Variants in CNTNAP2 observed in about 807,000 individuals in gnomAD.
The protein encoded by CNTNAP2 is contactin associated protein 2.
CNTNAP2 carries 98 observed loss-of-function variants against 155.2 expected under a neutral mutation model. The ratio of observed to expected loss-of-function variants is 0.63; its 90% CI spans 0.54 to 0.75. The LOEUF is 0.75. CNTNAP2 is among the 30% of genes least tolerant of loss of function. The probability of loss-of-function intolerance (pLI) is 0.00; values close to 1 mark genes in which losing one functional copy is unlikely to be tolerated. For synonymous variants in CNTNAP2, 651 were observed against 631.2 expected (o/e 1.03, Z -0.47); for missense variants, 1,727 against 1,688.1 (o/e 1.02, Z -0.40).
At chr7:148,172,806 T>C (rs1209486719) in intron 18 of CNTNAP2, among the ~76,000 whole-genome samples, 1 of 152,186 alleles carries the variant, frequency 6.6e-6, no homozygotes, top group Non-Finnish European at 1.5e-5. Context: ...GAATCAGGCC[T>C]GACCCTCCCA....
chr7:147,186,133 T>G (rs573316372), intron 8 of CNTNAP2, among the ~76,000 whole-genome samples: 1 of 152,276 alleles, frequency 6.6e-6, no homozygotes, highest in Admixed American at 6.5e-5. Context: ...ATATTACATT[T>G]CAGAATAGTT....
chr7:147,374,055 AC>A lies in CNTNAP2; in HGVS notation c.1499-21553del, dbSNP rs533388930. ...GTCTAAAGAATAGAAAGCCATACGG[AC>A]AATAAAACTCATTCACAGAGATGAA... On this transcript the variant is annotated intron_variant, in intron 9 of 23. Transcript: ENST00000361727. Among the ~76,000 whole-genome samples, 268 of 152,226 alleles carry A rather than the reference AC, an allele frequency of 1.8e-3. 2 individuals are homozygous for A. The highest frequency in any genetic ancestry group is 1.7e-3 in the Non-Finnish European group (115 of 67,982).
chr7:147,183,840 C>A (rs1182458319), intron 8 of CNTNAP2, among the ~76,000 whole-genome samples: 1 of 152,108 alleles, frequency 6.6e-6, no homozygotes, highest in African/African-American at 2.4e-5. Context: ...TTGTTGCCAC[C>A]TCCTATTGTG....
intron 22 of CNTNAP2, among the ~76,000 whole-genome samples, chr7:148,398,142 C>T (rs762024478): frequency 2.0e-5 from 3 of 152,094 alleles, no homozygotes; most frequent in Non-Finnish European, 2.9e-5. Context: ...TTAGGTTTGC[C>T]CATGCCCCCC....
intron 1 of CNTNAP2, among the ~76,000 whole-genome samples, chr7:146,445,798 T>C (rs1796394164): frequency 6.6e-6 from 1 of 152,180 alleles, no homozygotes; most frequent in South Asian, 2.1e-4. Context: ...CACAAGCCTA[T>C]TTATTGTAGC....
chr7:148,392,770 G>A (rs772510179), intron 22 of CNTNAP2, among the ~76,000 whole-genome samples: 1 of 152,168 alleles, frequency 6.6e-6, no homozygotes, highest in African/African-American at 2.4e-5. Context: ...ACTCAGGTTG[G>A]CAGAGTGGCT....
intron 15 of CNTNAP2, among the ~76,000 whole-genome samples, chr7:148,030,926 CCA>C (rs1453116324): frequency 6.6e-6 from 1 of 152,024 alleles, no homozygotes; most frequent in Admixed American, 6.5e-5. Context: ...AAAAATTGCA[CCA>C]GACACTCATT....
intron 15 of CNTNAP2, among the ~76,000 whole-genome samples, chr7:148,004,367 T>G (rs990343723): frequency 1.3e-5 from 2 of 152,178 alleles, no homozygotes; most frequent in African/African-American, 4.8e-5. Flanking sequence ...TACATAAATT[T>G]TTCTTAGATT....
intron 13 of CNTNAP2, among the ~76,000 whole-genome samples, chr7:147,827,608 T>C (rs990388875): frequency 2.0e-5 from 3 of 152,194 alleles, no homozygotes; most frequent in African/African-American, 7.2e-5. Flanking sequence ...TGAAATATGT[T>C]ACTTACCTTT....
intron 12 of CNTNAP2, among the ~76,000 whole-genome samples, chr7:147,576,886 G>A (rs934814123): frequency 1.1e-4 from 16 of 152,026 alleles, no homozygotes; most frequent in African/African-American, 2.7e-4. Flanking sequence ...TTTTGTTCTC[G>A]CTTAGGGTGA....
chr7:147,911,356 G>C (rs2710121), intron 14 of CNTNAP2, among the ~76,000 whole-genome samples: 2 of 151,908 alleles, frequency 1.3e-5, no homozygotes, highest in African/African-American at 2.4e-5. Flanking sequence ...CAGATGTTAC[G>C]GTCATTTGAT....
At chr7:147,187,078 C>G (rs968415885) in intron 8 of CNTNAP2, among the ~76,000 whole-genome samples, 1 of 151,930 alleles carries the variant, frequency 6.6e-6, no homozygotes, top group African/African-American at 2.4e-5. Flanking sequence ...AGGAGGATTG[C>G]TTTTAGAATG....
chr7:147,063,847 A>T (rs1315103321), intron 4 of CNTNAP2, among the ~76,000 whole-genome samples: 1 of 152,184 alleles, frequency 6.6e-6, no homozygotes, highest in Non-Finnish European at 1.5e-5. Context: ...TAATATAAAA[A>T]ATATAAAAGC....
intron 3 of CNTNAP2, among the ~76,000 whole-genome samples, chr7:147,001,132 A>G (rs1283342777): frequency 6.6e-6 from 1 of 152,108 alleles, no homozygotes; most frequent in Non-Finnish European, 1.5e-5. Context: ...AACATGGGAA[A>G]TGCAAAAATG....
intron 11 of CNTNAP2, among the ~76,000 whole-genome samples, chr7:147,552,607 C>CACACACACAG (rs199934935): frequency 4.1e-5 from 6 of 144,728 alleles, no homozygotes; most frequent in African/African-American, 1.3e-4. Context: ...CACACACACA[C>CACACACACAG]AGAGATATAA....
chr7:147,702,439 A>T (rs1796249758), intron 13 of CNTNAP2, among the ~76,000 whole-genome samples: 1 of 152,024 alleles, frequency 6.6e-6, no homozygotes, highest in South Asian at 2.1e-4. Context: ...AAAAATCTTG[A>T]TGTGTAATGT....
At chr7:146,823,933 C>T (rs1803348223) in intron 2 of CNTNAP2, among the ~76,000 whole-genome samples, 1 of 151,968 alleles carries the variant, frequency 6.6e-6, no homozygotes, top group Admixed American at 6.6e-5. Context: ...AGGTTTATTA[C>T]ATAGGTACAT....
At chr7:148,000,913 C>A (rs1215941366) in intron 15 of CNTNAP2, among the ~76,000 whole-genome samples, 2 of 152,180 alleles carry the variant, frequency 1.3e-5, no homozygotes, top group Non-Finnish European at 2.9e-5. Flanking sequence ...GGGGGAGGAT[C>A]CCCTTCTTGA....
At chr7:147,872,825 A>G (rs1288394192) in intron 13 of CNTNAP2, among the ~76,000 whole-genome samples, 1 of 152,216 alleles carries the variant, frequency 6.6e-6, no homozygotes, top group African/African-American at 2.4e-5. Flanking sequence ...AATTCTTGCT[A>G]TAAATGCCAA....
Sources: gnomAD v4.1 joint callset for allele counts (sites outside exome capture counted in the v4.1 genomes callset) on GRCh38, gnomAD v4.1.1 for gene constraint, MANE v1.5 for transcripts, NCBI Gene and HGNC (gene_info 2026-07-23, HGNC 2026-07-21) for gene names.